SUPT3H: variants seen among roughly 807,000 people sequenced by gnomAD.
SUPT3H encodes transcription initiation protein SPT3 homolog.
SUPT3H carries 44 observed loss-of-function variants against 44.3 expected under a neutral mutation model. That is an observed-to-expected ratio of 0.99 (90% CI 0.78 to 1.28). The LOEUF is 1.28. Ranked by LOEUF, SUPT3H falls within the 50% of genes most tolerant of loss-of-function variation. The pLI, the probability that SUPT3H is intolerant of heterozygous loss-of-function variation, is 0.00. For synonymous variants in SUPT3H, 124 were observed against 125.6 expected (o/e 0.99, Z 0.09); for missense variants, 380 against 387.1 (o/e 0.98, Z 0.15).
intron 2 of SUPT3H, among the ~76,000 whole-genome samples, chr6:45,189,994 G>A (rs1241489322): frequency 6.6e-6 from 1 of 152,134 alleles, no homozygotes; most frequent in Non-Finnish European, 1.5e-5. Context: ...CCCACTGCAT[G>A]CAGATCTAGG....
chr6:45,142,823 T>C (rs955825094), intron 2 of SUPT3H, among the ~76,000 whole-genome samples: 1 of 135,548 alleles, frequency 7.4e-6, no homozygotes, highest in Non-Finnish European at 1.5e-5. Flanking sequence ...TTCAAGAGAC[T>C]CACTAACACA....
At chr6:44,826,479 G>A (rs547205415), downstream of SUPT3H, among the ~76,000 whole-genome samples, 33 of 152,226 alleles carry the variant, frequency 2.2e-4, 1 homozygote, top group South Asian at 5.2e-3. Context: ...TGAAATGTTC[G>A]GCCAGAGCAT....
At chr6:44,918,137 T>A (rs1282990402) in intron 10 of SUPT3H, among the ~76,000 whole-genome samples, 1 of 152,046 alleles carries the variant, frequency 6.6e-6, no homozygotes, top group African/African-American at 2.4e-5. Context: ...GAAATATGAA[T>A]CCCCTTGAAA....
chr6:45,214,015 C>CAAAAAAAAAAAAAAAAAAAAAA (rs11418358), intron 2 of SUPT3H, among the ~76,000 whole-genome samples: 11 of 74,102 alleles, frequency 1.5e-4, no homozygotes, highest in Admixed American at 1.8e-4. Context: ...TTTTGAAATG[C>CAAAAAAAAAAAAAAAAAAAAAA]AAAAAAAAAA....
At chr6:45,154,021 G>T (rs1257631694) in intron 2 of SUPT3H, among the ~76,000 whole-genome samples, 1 of 140,052 alleles carries the variant, frequency 7.1e-6, no homozygotes, top group Non-Finnish European at 1.5e-5. Context: ...AGTGAGCTGA[G>T]ATCACGCCAC....
chr6:45,156,384 C>T lies in SUPT3H; in HGVS notation c.102-50378G>A, dbSNP rs181591005. On this transcript the variant is annotated intron_variant, in intron 2 of 10. Coordinates refer to ENST00000371459, the MANE Select transcript of SUPT3H (RefSeq NM_003599.4). ...TTTTAACTAACAAAACTGTTGCATC[C>T]TTCCTGAGTTCTAGAGTGGTCAAAA... 6.6e-5 allele frequency among the ~76,000 whole-genome samples: 10 copies of T among 152,244 alleles called. No homozygotes were observed. In the East Asian group the frequency reaches 1.9e-3, roughly 29 times the overall value.
intron 10 of SUPT3H, among the ~76,000 whole-genome samples, chr6:44,882,622 T>C (rs1037905465): frequency 6.6e-6 from 1 of 152,162 alleles, no homozygotes; most frequent in African/African-American, 2.4e-5. Context: ...TGAACATCAA[T>C]GCAAAAATCC....
At chr6:45,054,321 G>C (rs1790787623) in intron 3 of SUPT3H, among the ~76,000 whole-genome samples, 1 of 152,058 alleles carries the variant, frequency 6.6e-6, no homozygotes, top group Admixed American at 6.5e-5. Context: ...CACACACAGA[G>C]GCAAGGAATG....
intron 1 of SUPT3H, 22 bp downstream of exon 1, chr6:45,377,746 C>T (rs558984197): frequency 1.9e-3 from 291 of 152,490 alleles, no homozygotes; most frequent in Non-Finnish European, 3.4e-3. Flanking sequence ...ATCCCCGCAC[C>T]GCCCCCCGCA....
intron 10 of SUPT3H, among the ~76,000 whole-genome samples, chr6:44,874,851 C>A (rs1156616259): frequency 0.013 from 1,950 of 145,924 alleles, 31 homozygotes; most frequent in Non-Finnish European, 0.022. Context: ...TTCTTATACA[C>A]CAACAACAGA....
intron 6 of SUPT3H, among the ~76,000 whole-genome samples, chr6:44,996,123 G>A (rs1317725255): frequency 2.0e-5 from 3 of 151,764 alleles, no homozygotes; most frequent in Non-Finnish European, 4.4e-5. Context: ...CTACTAGGCT[G>A]CAGTATATTA....
At chr6:45,306,419 A>G (rs1783018712) in intron 2 of SUPT3H, among the ~76,000 whole-genome samples, 1 of 152,070 alleles carries the variant, frequency 6.6e-6, no homozygotes, top group Admixed American at 6.6e-5. Context: ...TTGGTCTAAA[A>G]TCAACCTCGG....
intron 3 of SUPT3H, among the ~76,000 whole-genome samples, chr6:45,074,563 C>G (rs1329195434): frequency 1.3e-5 from 2 of 151,902 alleles, no homozygotes; most frequent in Non-Finnish European, 2.9e-5. Context: ...ACTAACAAAA[C>G]CAAGGAAAGC....
intron 9 of SUPT3H, among the ~76,000 whole-genome samples, chr6:44,948,263 A>G (rs6919485): frequency 7.2e-5 from 11 of 152,008 alleles, no homozygotes; most frequent in African/African-American, 1.7e-4. Context: ...AGACTTAAAT[A>G]TTAGACCTAA....
rs571099109 is a variant in SUPT3H at position 45,267,372 on chromosome 6, C to G, written c.101+97829G>C. Among the ~76,000 whole-genome samples, 14 of 152,314 alleles carry G rather than the reference C, an allele frequency of 9.2e-5. No individual in the cohort carries two copies. The East Asian group carries it at 1.9e-3, about 21-fold the overall frequency. On this transcript the variant is annotated intron_variant, in intron 2 of 10. Transcript: ENST00000371459. Reference sequence around the variant, plus strand: ...AGTAAAAAGGAAAATATTTAATTCTCTCTCCCATATTCATACATAAAAATA... The same window carrying G: ...AGTAAAAAGGAAAATATTTAATTCTGTCTCCCATATTCATACATAAAAATA...
chr6:45,121,473 C>T (rs904782774), intron 2 of SUPT3H, among the ~76,000 whole-genome samples: 1 of 151,762 alleles, frequency 6.6e-6, no homozygotes. Context: ...CAGGAGTTTC[C>T]CTTTCCCCCA....
intron 2 of SUPT3H, among the ~76,000 whole-genome samples, chr6:45,224,380 C>G (rs938349260): frequency 6.6e-6 from 1 of 152,118 alleles, no homozygotes; most frequent in Non-Finnish European, 1.5e-5. Flanking sequence ...CTGTGTGGTT[C>G]TGTCACCACC....
intron 6 of SUPT3H, among the ~76,000 whole-genome samples, chr6:44,994,876 TTTG>T: frequency 6.6e-6 from 1 of 152,164 alleles, no homozygotes; most frequent in East Asian, 1.9e-4. Context: ...ACCTCTGGGC[TTTG>T]TTATCTGAAA....
chr6:45,199,466 AT>A (rs1480146566), intron 2 of SUPT3H, among the ~76,000 whole-genome samples: 1 of 151,214 alleles, frequency 6.6e-6, no homozygotes, highest in Non-Finnish European at 1.5e-5. Context: ...CATTAAGATC[AT>A]TTCCTGGGCT....
Sources: gnomAD v4.1 joint callset for allele counts (sites outside exome capture counted in the v4.1 genomes callset) on GRCh38, gnomAD v4.1.1 for gene constraint, MANE v1.5 for transcripts, NCBI Gene and HGNC (gene_info 2026-07-23, HGNC 2026-07-21) for gene names.